TENM2: variants seen among roughly 807,000 people sequenced by gnomAD.
The protein encoded by TENM2 is teneurin transmembrane protein 2.
Under a neutral mutation model 245.2 loss-of-function variants are expected in TENM2, and 52 were observed. The observed-to-expected ratio is 0.21, with a 90% CI of 0.17 to 0.27. The LOEUF is 0.27. TENM2 is among the 10% of genes least tolerant of loss of function. The pLI is 1.00. For missense variants in TENM2, 3,046 were observed against 3,666.8 expected (o/e 0.83, Z 4.37); for synonymous variants, 1,363 against 1,438.9 (o/e 0.95, Z 1.19).
At chr5:167,644,321 T>G (rs1779794092) in intron 2 of TENM2, among the ~76,000 whole-genome samples, 1 of 152,226 alleles carries the variant, frequency 6.6e-6, no homozygotes, top group Admixed American at 6.5e-5. Flanking sequence ...GAGTCCCTTG[T>G]TATTCTCACA....
At chr5:168,152,618 T>G (rs1244569542) in intron 12 of TENM2, among the ~76,000 whole-genome samples, 1 of 152,222 alleles carries the variant, frequency 6.6e-6, no homozygotes, top group African/African-American at 2.4e-5. Flanking sequence ...CATTCATTAT[T>G]TGCTGGACAG....
intron 2 of TENM2, among the ~76,000 whole-genome samples, chr5:167,488,331 C>G (rs1768214325): frequency 6.6e-6 from 1 of 152,132 alleles, no homozygotes; most frequent in Admixed American, 6.5e-5. Flanking sequence ...AAACACACTC[C>G]AGTAAAGCTT....
the TENM2 span, among the ~76,000 whole-genome samples, chr5:167,170,231 G>T: frequency 6.6e-6 from 1 of 152,184 alleles, no homozygotes; most frequent in African/African-American, 2.4e-5. Context: ...TCCCTCTCAG[G>T]GGAAAAACGT....
At chr5:168,209,804 C>A (rs1762648614) in intron 19 of TENM2, among the ~76,000 whole-genome samples, 1 of 152,190 alleles carries the variant, frequency 6.6e-6, no homozygotes, top group Admixed American at 6.5e-5. Flanking sequence ...GGGCCTTCTA[C>A]TAAGTATCTG....
chr5:167,421,227 C>T (rs1763486399), intron 2 of TENM2, among the ~76,000 whole-genome samples: 1 of 152,162 alleles, frequency 6.6e-6, no homozygotes, highest in South Asian at 2.1e-4. Flanking sequence ...GGCCACTGAT[C>T]CATGCTACTC....
At chr5:167,098,347 C>A in the TENM2 span, among the ~76,000 whole-genome samples, 4 of 152,168 alleles carry the variant, frequency 2.6e-5, no homozygotes, top group African/African-American at 9.7e-5. Context: ...TTTCTACTTA[C>A]ATATTCATAA....
chr5:166,990,900 A>G, the TENM2 span, among the ~76,000 whole-genome samples: 1 of 152,204 alleles, frequency 6.6e-6, no homozygotes, highest in Admixed American at 6.5e-5. Context: ...AGTTGGCATG[A>G]GGTGTAAAAG....
intron 1 of TENM2, among the ~76,000 whole-genome samples, chr5:167,357,203 G>A (rs558780549): frequency 6.6e-6 from 1 of 152,136 alleles, no homozygotes; most frequent in South Asian, 2.1e-4. Flanking sequence ...TTCAGAATTT[G>A]TAGTTATAAC....
the TENM2 span, among the ~76,000 whole-genome samples, chr5:167,100,319 G>A: frequency 1.3e-5 from 2 of 152,152 alleles, no homozygotes; most frequent in African/African-American, 2.4e-5. Flanking sequence ...TCAGATGCCA[G>A]TGGCACCTGG....
chr5:167,025,532 C>G, the TENM2 span, among the ~76,000 whole-genome samples: 1 of 152,134 alleles, frequency 6.6e-6, no homozygotes, highest in East Asian at 1.9e-4. Flanking sequence ...AGCCACATTT[C>G]AGGTGTTCAT....
intron 1 of TENM2, among the ~76,000 whole-genome samples, chr5:167,358,837 AC>A (rs1561891591): frequency 8.5e-6 from 1 of 117,706 alleles, no homozygotes; most frequent in Non-Finnish European, 1.9e-5. Flanking sequence ...ACACACACAC[AC>A]ACACACACAC....
At chr5:168,134,377 A>G (rs992373416) in intron 12 of TENM2, among the ~76,000 whole-genome samples, 2 of 151,904 alleles carry the variant, frequency 1.3e-5, no homozygotes, top group African/African-American at 4.8e-5. Flanking sequence ...CATCACCATC[A>G]TTGTCTAGCA....
intron 12 of TENM2, among the ~76,000 whole-genome samples, chr5:168,150,788 G>T (rs781680798): frequency 1.3e-5 from 2 of 152,174 alleles, no homozygotes; most frequent in African/African-American, 2.4e-5. Flanking sequence ...GGCGCAAAGT[G>T]CATGGGCTGA....
chr5:167,837,727 C>T (rs930186692), intron 2 of TENM2, among the ~76,000 whole-genome samples: 1 of 152,060 alleles, frequency 6.6e-6, no homozygotes, highest in Non-Finnish European at 1.5e-5. Flanking sequence ...TCAAGACTAC[C>T]AAGTAGGTGT....
At chr5:167,600,254 T>C (rs965018310) in intron 2 of TENM2, among the ~76,000 whole-genome samples, 7 of 151,848 alleles carry the variant, frequency 4.6e-5, no homozygotes, top group Non-Finnish European at 7.4e-5. Flanking sequence ...TAACTGAATA[T>C]TGGATTTTTA....
chr5:168,237,744 TATTTA>T (rs1710054884), intron 25 of TENM2, among the ~76,000 whole-genome samples: 1 of 151,670 alleles, frequency 6.6e-6, no homozygotes, highest in Non-Finnish European at 1.5e-5. Flanking sequence ...ATTAAATTTA[TATTTA>T]ATTATTAATA....
At chr5:167,759,921 T>G (rs1762550770) in intron 2 of TENM2, among the ~76,000 whole-genome samples, 1 of 152,162 alleles carries the variant, frequency 6.6e-6, no homozygotes, top group Non-Finnish European at 1.5e-5. Flanking sequence ...AAACATAGAT[T>G]CTGTTTTTCA....
intron 2 of TENM2, among the ~76,000 whole-genome samples, chr5:167,792,015 A>C (rs1765011768): frequency 6.6e-6 from 1 of 152,150 alleles, no homozygotes. Context: ...TCAAGGTTGA[A>C]GTATTGTTTT....
At chr5:167,821,848 A>G (rs1482302699) in intron 2 of TENM2, among the ~76,000 whole-genome samples, 7 of 152,018 alleles carry the variant, frequency 4.6e-5, no homozygotes, top group African/African-American at 1.7e-4. Context: ...TGCTTTGCTT[A>G]TCTACTGCTT....
Sources: gnomAD v4.1 joint callset for allele counts (sites outside exome capture counted in the v4.1 genomes callset) on GRCh38, gnomAD v4.1.1 for gene constraint, MANE v1.5 for transcripts, NCBI Gene and HGNC (gene_info 2026-07-23, HGNC 2026-07-21) for gene names.